ATG2B: variants seen among roughly 807,000 people sequenced by gnomAD.
The protein encoded by ATG2B is autophagy related 2B.
In ATG2B, 121 loss-of-function variants were observed where a neutral mutation model predicts 241.3. The ratio of observed to expected loss-of-function variants is 0.50; its 90% confidence interval spans 0.43 to 0.58. The LOEUF (loss-of-function observed/expected upper bound fraction) is 0.58, where lower values mean the gene tolerates loss of function less well. Ranked by LOEUF, ATG2B falls within the 20% of genes least tolerant of loss-of-function variation. The pLI, the probability that ATG2B is intolerant of heterozygous loss-of-function variation, is 0.00. For synonymous variants in ATG2B, 858 were observed against 876.6 expected (o/e 0.98, Z 0.37); for missense variants, 2,306 against 2,491.6 (o/e 0.93, Z 1.59).
At chr14:96,324,912 T>G (rs1887550334) in intron 15 of ATG2B, among the ~76,000 whole-genome samples, 1 of 150,392 alleles carries the variant, frequency 6.6e-6, no homozygotes. Context: ...GGGGTGGGAG[T>G]GTGGTTGCGG....
intron 1 of ATG2B, among the ~76,000 whole-genome samples, chr14:96,355,784 C>T (rs762873232): frequency 1.3e-5 from 2 of 152,032 alleles, no homozygotes; most frequent in Non-Finnish European, 2.9e-5. Flanking sequence ...CTTCTTAATA[C>T]GTAATTCCAT....
At position 96,294,992 on chromosome 14, in the gene ATG2B, T is replaced by C. The variant is rs748212757; in HGVS notation, c.5394A>G (p.Glu1798=). ...GMEEKNFSAE[E]ASFRDQPVFF... ...ACACAGGCTGATCCCTAAAAGATGC[T>C]TCTTCAGCAGAGAAGTTCTTCTCTT... is the stretch of plus-strand genomic sequence containing the variant. Residue 1798 remains glutamate, a synonymous_variant, in exon 36 of 42, where the codon GAA becomes GAG. Transcript: ENST00000359933. The C allele has an allele frequency of 5.6e-6, 9 of 1,614,210 alleles. No homozygotes were observed. Among genetic ancestry groups the C allele is most frequent in the Non-Finnish European group, 6.8e-6 (8 of 1,180,024 alleles).
chr14:96,314,618 T>C (rs2139862359), intron 23 of ATG2B, among the ~76,000 whole-genome samples: 1 of 152,352 alleles, frequency 6.6e-6, no homozygotes, highest in East Asian at 1.9e-4. Flanking sequence ...TTGAGAGGTT[T>C]TGAGGACCAC....
intron 1 of ATG2B, among the ~76,000 whole-genome samples, chr14:96,357,303 C>T (rs189827725): frequency 7.0e-4 from 107 of 152,220 alleles, no homozygotes; most frequent in Non-Finnish European, 4.3e-4. Context: ...GTTTCATCTT[C>T]GGCCTTTTTT....
chr14:96,284,791 A>T lies in ATG2B; in HGVS notation c.*964T>A, dbSNP rs763430781. The T allele has an allele frequency of 1.3e-5, 2 of 152,248 alleles. No homozygotes were observed. The highest frequency in any genetic ancestry group is 2.9e-5 in the Non-Finnish European group (2 of 68,040). The allele number at this position is 152,248 out of a possible 1,614,324, so 9.4% of individuals were successfully genotyped here. A position where few individuals can be genotyped will look rare whatever the true frequency, so the allele number is the denominator to read the frequency against. On this transcript the variant is annotated 3_prime_UTR_variant, in exon 42 of 42. Transcript: ENST00000359933. ...TTTATTCATTCCTGATAGGTTATCAAAATGTACACTGTTAACCAAGTAAAA... is the reference window on the plus strand; with the variant it reads ...TTTATTCATTCCTGATAGGTTATCATAATGTACACTGTTAACCAAGTAAAA...
At chr14:96,356,722 T>C (rs902264459) in intron 1 of ATG2B, among the ~76,000 whole-genome samples, 11 of 152,078 alleles carry the variant, frequency 7.2e-5, no homozygotes, top group East Asian at 1.9e-4. Context: ...AGTGCTGTTA[T>C]GTCTGAGAAG....
chr14:96,316,693 A>C lies in ATG2B; in HGVS notation c.3211-10T>G. On this transcript the variant is annotated splice_polypyrimidine_tract_variant and intron_variant, in intron 20 of 41. Coordinates refer to ENST00000359933, the MANE Select transcript of ATG2B (RefSeq NM_018036.7). ...GATCTCCATTATCTTGCTAGTAAAA[A>C]GATCAGAAAAACACAGAAGTTATTA... 6.3e-7 allele frequency: 1 copy of C among 1,599,422 alleles called. No homozygotes were observed. Among genetic ancestry groups the C allele is most frequent in the Non-Finnish European group, 8.5e-7 (1 of 1,174,878 alleles).
intron 11 of ATG2B, 80 bp downstream of exon 11, chr14:96,331,296 G>T (rs1887724085): frequency 2.2e-6 from 3 of 1,355,318 alleles, no homozygotes; most frequent in South Asian, 1.4e-5. Context: ...AGATACAAAA[G>T]TCCACATGTG....
At chr14:96,312,418 C>A (rs1382366989) in intron 25 of ATG2B, among the ~76,000 whole-genome samples, 2 of 152,064 alleles carry the variant, frequency 1.3e-5, no homozygotes, top group Non-Finnish European at 2.9e-5. Context: ...TAAAGAGATG[C>A]CCAAATTCAC....
Position 96,363,110 on chromosome 14 carries a change from G to T in ATG2B, c.-134C>A. 1 of 988,678 alleles carries T rather than the reference G, an allele frequency of 1.0e-6. No homozygotes were observed. Among genetic ancestry groups the T allele is most frequent in the Non-Finnish European group, 1.5e-6 (1 of 650,686 alleles). The allele number at this position is 988,678 out of a possible 1,614,324, so 61.2% of individuals were successfully genotyped here. ...CCTCCATCCCTATTTGGTGCCGGGA[G>T]TCCCTCAGGGAGACCCCATCGCCGG... On this transcript the variant is annotated 5_prime_UTR_variant, in exon 1 of 42. Coordinates refer to ENST00000359933, the MANE Select transcript of ATG2B (RefSeq NM_018036.7).
chr14:96,302,145 T>C lies in ATG2B; in HGVS notation c.5038-37A>G, dbSNP rs2139847025. Reference sequence around the variant, plus strand: ...GAAAGAGAATAACATTTTTCCCCAATAATATGATGACCTTCTTCTCTTTAA... The same window carrying C: ...GAAAGAGAATAACATTTTTCCCCAACAATATGATGACCTTCTTCTCTTTAA... On this transcript the variant is annotated intron_variant, in intron 33 of 41. Transcript: ENST00000359933. 4 of 1,283,114 alleles carry C rather than the reference T, an allele frequency of 3.1e-6. 1 individual carries two copies. Among genetic ancestry groups the C allele is most frequent in the Middle Eastern group, 3.7e-4 (2 of 5,372 alleles). The allele number at this position is 1,283,114 out of a possible 1,614,324, so 79.5% of individuals were successfully genotyped here.
In ATG2B at chr14:96,362,851, G is replaced by T. The variant is rs777184207; in HGVS notation, c.126C>A (p.Gly42=). 2 of 1,611,844 alleles carry T rather than the reference G, an allele frequency of 1.2e-6. No homozygotes were observed. The highest frequency in any genetic ancestry group is 1.7e-6 in the Non-Finnish European group (2 of 1,178,956). ...LEQLSLDLYQ[G]TGSLAQVPLD... is the part of the protein sequence containing the mutation. The stretch of plus-strand genomic sequence containing the variant: ...AGGGGACCTGGGCGAGGGACCCGGT[G>T]CCTTGGTACAGGTCCAGGCTGAGCT... The change falls in exon 1 of 42, where the codon GGC becomes GGA. Residue 42 remains glycine (G), a synonymous_variant. Transcript: ENST00000359933.
At chr14:96,300,998 C>T (rs1419291444) in intron 34 of ATG2B, among the ~76,000 whole-genome samples, 2 of 152,202 alleles carry the variant, frequency 1.3e-5, no homozygotes, top group Non-Finnish European at 2.9e-5. Flanking sequence ...AATAAATACT[C>T]TACTTCCAAA....
intron 2 of ATG2B, 68 bp from the exon 3 acceptor site, chr14:96,345,453 A>G (rs1888146816): frequency 8.6e-7 from 1 of 1,168,062 alleles, no homozygotes; most frequent in Admixed American, 3.1e-5. Flanking sequence ...TCTTAAAATA[A>G]TACATTTCAA....
chr14:96,286,040 A>G (rs1886328211), intron 41 of ATG2B, 55 bp from the exon 42 acceptor site: 2 of 1,423,354 alleles, frequency 1.4e-6, no homozygotes, highest in African/African-American at 1.4e-5. Flanking sequence ...CTCTGGTCGG[A>G]AAACTCTCTA....
intron 26 of ATG2B, 29 bp from the exon 27 acceptor site, chr14:96,311,647 T>G: frequency 6.8e-7 from 1 of 1,462,042 alleles, no homozygotes; most frequent in Non-Finnish European, 9.5e-7. Flanking sequence ...AGAAAATCTC[T>G]TCAGTACAGC....
At chr14:96,362,744 G>T in intron 1 of ATG2B, 71 bp downstream of exon 1, 1 of 1,467,328 alleles carries the variant, frequency 6.8e-7, no homozygotes, top group Non-Finnish European at 9.2e-7. Context: ...CACCAATCTT[G>T]GATGGCACTG....
In ATG2B at chr14:96,331,392, A is replaced by T. The variant is rs1293864284; in HGVS notation, c.1714T>A (p.Ser572Thr). 1.2e-6 allele frequency: 2 copies of T among 1,613,560 alleles called. No homozygotes were observed. Among genetic ancestry groups the T allele is most frequent in the Non-Finnish European group, 1.7e-6 (2 of 1,179,792 alleles). The change falls in exon 11 of 42, where the codon TCA becomes ACA. Residue 572 changes from serine to threonine, a missense_variant. Transcript: ENST00000359933. ...AGAGTTTACCTAAGGTGATCGTGTG[A>T]GCAAGCTTCTGCAAACACTGCTCGG... Reference protein sequence around the residue: ...SFRAVFAEACSHDHLRFIGTG... With the variant: ...SFRAVFAEACTHDHLRFIGTG...
intron 33 of ATG2B, 115 bp from the exon 34 acceptor site, chr14:96,302,223 G>C: frequency 1.6e-6 from 1 of 644,624 alleles, no homozygotes; most frequent in Non-Finnish European, 2.6e-6. Flanking sequence ...GAGAAAAAGA[G>C]GAATTGTTTA....
Sources: allele counts gnomAD v4.1 joint callset (sites outside exome capture counted in the v4.1 genomes callset), GRCh38; gene constraint gnomAD v4.1.1; transcripts MANE v1.5; gene names NCBI Gene and HGNC (gene_info 2026-07-23, HGNC 2026-07-21).